Variants in NOTCH1 observed in about 807,000 individuals in gnomAD.
The protein encoded by NOTCH1 is neurogenic locus notch homolog protein 1.
A neutral mutation model predicts 254.8 loss-of-function variants in NOTCH1; 37 were observed. The observed-to-expected ratio is 0.15, with a 90% CI of 0.11 to 0.19. NOTCH1 has a LOEUF of 0.19. Among genes scored for constraint, NOTCH1 ranks in the 10% least tolerant of loss-of-function variants. The pLI, the probability that NOTCH1 is intolerant of heterozygous loss-of-function variation, is 1.00. For synonymous variants in NOTCH1, 1,731 were observed against 1,618.1 expected, an observed-to-expected ratio of 1.07 and a Z score of -1.68; for missense variants, 2,972 against 3,708.6, an observed-to-expected ratio of 0.80 and a Z score of 5.16.
At position 136,497,938 on chromosome 9, in the gene NOTCH1, C is replaced by G. The variant is rs541396122; in HGVS notation, c.6181-380G>C. ...CGGTTCAGAGGCACCGGCGAGGGCA[C>G]CAGGGAGGGAGCTCGTCATCTGGAC... On this transcript the variant is annotated intron_variant, in intron 33 of 33. Transcript: ENST00000651671. 1.3e-5 allele frequency among the ~76,000 whole-genome samples: 2 copies of G among 152,286 alleles called. 1 individual carries two copies. The highest frequency in any genetic ancestry group is 4.1e-4 in the South Asian group (2 of 4,828).
chr9:136,534,602 T>C (rs1308392100), intron 2 of NOTCH1, among the ~76,000 whole-genome samples: 1 of 151,898 alleles, frequency 6.6e-6, no homozygotes, highest in Non-Finnish European at 1.5e-5. Flanking sequence ...GCCGGGTGAG[T>C]GTTCTGTGGC....
At chr9:136,501,439 CAAAAAAAAAAG>C (rs1301443362) in intron 30 of NOTCH1, among the ~76,000 whole-genome samples, 3 of 53,250 alleles carry the variant, frequency 5.6e-5, no homozygotes, top group Non-Finnish European at 1.1e-4. Flanking sequence ...ATCTCAAAAA[CAAAAAAAAAAG>C]AAAAAAAAAA....
rs1281437674 is a variant in NOTCH1, at chr9:136,506,751, T to C, written c.3866A>G (p.Asn1289Ser). The C allele has an allele frequency of 3.1e-6, 5 of 1,604,230 alleles. No homozygotes were observed. Among genetic ancestry groups the C allele is most frequent in the East Asian group, 2.3e-5 (1 of 44,380 alleles). ...RGTQNCVQRV[N>S]DFHCECRAGH... is the part of the protein sequence containing the mutation. Reference sequence around the variant, plus strand: ...AGCACGGCACTCGCAGTGGAAGTCATTGACGCGCTGCACGCAGTTCTGGGT... The same window carrying C: ...AGCACGGCACTCGCAGTGGAAGTCACTGACGCGCTGCACGCAGTTCTGGGT... The change falls in exon 23 of 34, where the codon AAT becomes AGT. Residue 1289 changes from asparagine (N) to serine (S), a missense_variant. Physicochemically the swap from Asn to Ser is conservative, Grantham distance 46. Coordinates refer to ENST00000651671, the MANE Select transcript of NOTCH1 (RefSeq NM_017617.5). This position sits in a 1 kb window ranked among gnomAD's most constrained non-coding sequence, Gnocchi z 4.5.
Position 136,545,037 on chromosome 9 carries a change from A to T in NOTCH1, c.61+689T>A, listed in dbSNP as rs1206245926. ...CCCCGCTCGCTGTGCGGCGGGGAGA[A>T]ATGTAAGAGCCCCCCACCCGCGTCC... is the stretch of plus-strand genomic sequence containing the variant. On this transcript the variant is annotated intron_variant, in intron 1 of 33. Transcript: ENST00000651671. The surrounding 1 kb of genome is among the most constrained non-coding windows in gnomAD (Gnocchi z 6.8). 1.3e-5 allele frequency among the ~76,000 whole-genome samples: 2 copies of T among 151,970 alleles called. No homozygotes were observed. Among genetic ancestry groups the T allele is most frequent in the Non-Finnish European group, 2.9e-5 (2 of 67,948 alleles).
intron 13 of NOTCH1, among the ~76,000 whole-genome samples, chr9:136,514,229 G>A (rs1843226880): frequency 6.6e-6 from 1 of 152,198 alleles, no homozygotes; most frequent in Non-Finnish European, 1.5e-5. Context: ...AAACACTTGC[G>A]GCTGTTACCA....
Position 136,503,040 on chromosome 9 carries a change from T to G in NOTCH1, c.5167+142A>C, listed in dbSNP as rs587777959. The G allele has an allele frequency of 1.6e-6, 2 of 1,260,050 alleles. No homozygotes were observed. The highest frequency in any genetic ancestry group is 3.8e-5 in the Admixed American group (2 of 52,718). 78.1% of individuals were successfully genotyped at this position (1,260,050 alleles called of 1,614,324 possible). A position where few individuals can be genotyped will look rare whatever the true frequency, so the allele number is the denominator to read the frequency against. ...GGGGGCGGAGTGCCATTCAGAAAAT[T>G]CCAGAAAAGCCCTACCCCAACTCGG... is the stretch of plus-strand genomic sequence containing the variant. On this transcript the variant is annotated intron_variant, in intron 27 of 33. Coordinates refer to ENST00000651671, the MANE Select transcript of NOTCH1 (RefSeq NM_017617.5).
intron 10 of NOTCH1, 120 bp downstream of exon 10, chr9:136,515,861 T>C: frequency 9.0e-7 from 1 of 1,115,602 alleles, no homozygotes; most frequent in East Asian, 2.6e-5. Flanking sequence ...GGCTGAGCTG[T>C]GCTCTCGGCC....
intron 5 of NOTCH1, 94 bp downstream of exon 5, chr9:136,519,349 T>A: frequency 6.4e-7 from 1 of 1,556,510 alleles, no homozygotes; most frequent in East Asian, 2.2e-5. Flanking sequence ...GGACAGGGTC[T>A]CGGCTGCTCC....
At chr9:136,524,363 T>C (rs1263824245) in intron 2 of NOTCH1, among the ~76,000 whole-genome samples, 1 of 152,180 alleles carries the variant, frequency 6.6e-6, no homozygotes, top group Non-Finnish European at 1.5e-5. Context: ...GAGACTAGGA[T>C]GTTCCAGCAG....
chr9:136,527,323 T>C (rs570264654), intron 2 of NOTCH1, among the ~76,000 whole-genome samples: 1 of 152,304 alleles, frequency 6.6e-6, no homozygotes, highest in South Asian at 2.1e-4. Context: ...GAGCAAATCC[T>C]TCACAGCTTT....
intron 15 of NOTCH1, among the ~76,000 whole-genome samples, chr9:136,511,570 G>A (rs978051709): frequency 6.6e-6 from 1 of 152,234 alleles, no homozygotes; most frequent in Non-Finnish European, 1.5e-5. Flanking sequence ...GGCGTGCCCA[G>A]GAACAAGGAC....
rs2133371561 is a variant in NOTCH1 at position 136,518,796 on chromosome 9, C to G, written c.894G>C (p.Glu298Asp). The G allele has an allele frequency of 6.2e-7, 1 of 1,612,880 alleles. No homozygotes were observed. Among genetic ancestry groups the G allele is most frequent in the Non-Finnish European group, 8.5e-7 (1 of 1,179,994 alleles). The change falls in exon 6 of 34, where the codon GAG (glutamate) becomes GAC (aspartate). Residue 298 changes from glutamate (E) to aspartate (D), a missense_variant. Around this residue, in one of 8 missense-constraint regions of NOTCH1, gnomAD observed 374 missense variants for 496.3 expected, o/e 0.75. Coordinates refer to ENST00000651671, the MANE Select transcript of NOTCH1 (RefSeq NM_017617.5). ...GGCAGGCATTTGGCATCAGCTGGCA[C>G]TCGTCCACATCCTCGGTACAGTACT... ...TGQYCTEDVDECQLMPNACQN... is the reference protein window; with the variant it reads ...TGQYCTEDVDDCQLMPNACQN...
At chr9:136,532,361 G>A (rs537570467) in intron 2 of NOTCH1, among the ~76,000 whole-genome samples, 1 of 152,156 alleles carries the variant, frequency 6.6e-6, no homozygotes, top group Admixed American at 6.5e-5. Context: ...CAAAGATCTC[G>A]CACTACCTCA....
In NOTCH1 at chr9:136,496,339, G is replaced by C. The variant is rs375025242; in HGVS notation, c.7400C>G (p.Ser2467Trp). The change falls in exon 34 of 34, where the codon TCG becomes TGG. Residue 2467 changes from serine (S) to tryptophan (W), a missense_variant. Physicochemically the swap from Ser to Trp is radical, Grantham distance 177 (BLOSUM62 -3). This residue lies in a region of NOTCH1 where 85 missense variants were observed against 126.1 expected (regional missense o/e 0.67). Coordinates refer to ENST00000651671, the MANE Select transcript of NOTCH1 (RefSeq NM_017617.5). ...LPQESPALPT[S>W]LPSSLVPPVT... The stretch of plus-strand genomic sequence containing the variant: ...GGGTGGGACCAGCGAGGATGGCAGC[G>C]ACGTGGGCAGGGCGGGGCTCTCCTG... 1 of 1,593,154 alleles carries C rather than the reference G, an allele frequency of 6.3e-7. No individual in the cohort carries two copies. Among genetic ancestry groups the C allele is most frequent in the Non-Finnish European group, 8.5e-7 (1 of 1,171,284 alleles).
chr9:136,532,556 G>A (rs759024767), intron 2 of NOTCH1, among the ~76,000 whole-genome samples: 3 of 152,142 alleles, frequency 2.0e-5, no homozygotes, highest in East Asian at 3.9e-4. Flanking sequence ...ACACATCCCC[G>A]GGGGAGCCGG....
chr9:136,530,399 T>TCCCGCAGCCGGGAAAACAATG (rs1164171631), intron 2 of NOTCH1, among the ~76,000 whole-genome samples: 9 of 152,250 alleles, frequency 5.9e-5, no homozygotes, highest in Non-Finnish European at 1.0e-4. Flanking sequence ...AAGCTACCTT[T>TCCCGCAGCCGGGAAAACAATG]CCCGCAGCCG....
intron 17 of NOTCH1, among the ~76,000 whole-genome samples, chr9:136,510,275 A>G (rs1843157761): frequency 6.6e-6 from 1 of 152,202 alleles, no homozygotes. Context: ...AGGTGATGCC[A>G]GCAAGACCCC....
In NOTCH1 at chr9:136,495,764, AAC is replaced by A. The variant is rs1842904978; in HGVS notation, c.*305_*306del. 1 of 415,038 alleles carries A rather than the reference AAC, an allele frequency of 2.4e-6. No individual in the cohort carries two copies. Among genetic ancestry groups the A allele is most frequent in the Non-Finnish European group, 4.3e-6 (1 of 234,224 alleles). 25.7% of individuals were successfully genotyped at this position (415,038 alleles called of 1,614,324 possible). A position where few individuals can be genotyped will look rare whatever the true frequency, so the allele number is the denominator to read the frequency against. On this transcript the variant is annotated 3_prime_UTR_variant, in exon 34 of 34. Transcript: ENST00000651671. ...CATGAATCTTTGTTTATATTTTATAAACACAGAAGAATCTTTTCATCCTACGT... is the reference window on the plus strand; with the variant it reads ...CATGAATCTTTGTTTATATTTTATAAACAGAAGAATCTTTTCATCCTACGT...
intron 2 of NOTCH1, among the ~76,000 whole-genome samples, chr9:136,538,011 CA>C (rs1465252183): frequency 6.6e-6 from 1 of 152,088 alleles, no homozygotes; most frequent in African/African-American, 2.4e-5. Context: ...ATCTGGGAGG[CA>C]GAGGTTACAG....
Sources: gnomAD v4.1 joint callset for allele counts (sites outside exome capture counted in the v4.1 genomes callset) on GRCh38, gnomAD v4.1.1 for gene constraint, gnomAD v4.1.1 regional missense constraint, Gnocchi (gnomAD v3.1) non-coding constraint, MANE v1.5 for transcripts, NCBI Gene and HGNC (gene_info 2026-07-23, HGNC 2026-07-21) for gene names.